Variants in HDAC10 observed in about 807,000 individuals in gnomAD.
HDAC10 encodes histone deacetylase 10.
A neutral mutation model predicts 82.3 loss-of-function variants in HDAC10; 90 were observed. That is an observed-to-expected ratio of 1.09 (90% CI 0.92 to 1.30). The LOEUF is 1.30. HDAC10 is among the 50% of genes most tolerant of loss of function. The pLI is 0.00. For synonymous variants in HDAC10, 456 were observed against 391.7 expected, an observed-to-expected ratio of 1.16 and a Z score of -1.94; for missense variants, 934 against 876.3, an observed-to-expected ratio of 1.07 and a Z score of -0.83.
Position 50,251,154 on chromosome 22 carries a change from G to A in HDAC10, c.-122C>T, listed in dbSNP as rs1393872700. 3 of 1,013,278 alleles carry A rather than the reference G, an allele frequency of 3.0e-6. No homozygotes were observed. The highest frequency in any genetic ancestry group is 1.6e-5 in the African/African-American group (1 of 61,768). The allele number at this position is 1,013,278 out of a possible 1,614,324, so 62.8% of individuals were successfully genotyped here. A position where few individuals can be genotyped will look rare whatever the true frequency, so the allele number is the denominator to read the frequency against. On this transcript the variant is annotated 5_prime_UTR_variant, in exon 1 of 20. Coordinates refer to ENST00000216271, the MANE Select transcript of HDAC10 (RefSeq NM_032019.6). ...GGACCTGCCTGGGGCGCAGGCGGGC[G>A]GCGGGCACCGGCCTGGGCGGGAGCG...
chr22:50,246,126 C>T (rs113869686), intron 17 of HDAC10, 34 bp from the exon 18 acceptor site: 32 of 1,574,962 alleles, frequency 2.0e-5, no homozygotes, highest in Middle Eastern at 1.7e-4. Context: ...TCCTCATCTA[C>T]GGACACCTGC....
At position 50,249,953 on chromosome 22, in the gene HDAC10, T is replaced by G. The variant is rs1601630253; in HGVS notation, c.401A>C (p.His134Pro). The change falls in exon 5 of 20, where the codon CAC becomes CCC. Residue 134 changes from histidine (H) to proline (P), a missense_variant. Transcript: ENST00000216271. This position sits in a 1 kb window ranked among gnomAD's most constrained non-coding sequence, Gnocchi z 4.4. Reference sequence around the variant, plus strand: ...GTTGGCAGCCGCCCTCTGGCCATGGTGCCCGGGAGGCCTACGGCGTGAGAG... The same window carrying G: ...GTTGGCAGCCGCCCTCTGGCCATGGGGCCCGGGAGGCCTACGGCGTGAGAG... ...NGLALVRPPGHHGQRAAANGF... is the reference protein window; with the variant it reads ...NGLALVRPPGPHGQRAAANGF... 1 of 1,612,766 alleles carries G rather than the reference T, an allele frequency of 6.2e-7. No homozygotes were observed. Among genetic ancestry groups the G allele is most frequent in the Non-Finnish European group, 8.5e-7 (1 of 1,179,866 alleles).
rs1365844918 is a variant in HDAC10 at position 50,251,066 on chromosome 22, C to T, written c.-34G>A. Reference sequence around the variant, plus strand: ...CGTGGTCACCCTGGGTTCCCAAACGCCCTCGCTAGTGGTGCCTGCCACTGC... The same window carrying T: ...CGTGGTCACCCTGGGTTCCCAAACGTCCTCGCTAGTGGTGCCTGCCACTGC... On this transcript the variant is annotated 5_prime_UTR_variant, in exon 1 of 20. Coordinates refer to ENST00000216271, the MANE Select transcript of HDAC10 (RefSeq NM_032019.6). 1.9e-6 allele frequency: 3 copies of T among 1,594,788 alleles called. No homozygotes were observed. Among genetic ancestry groups the T allele is most frequent in the Non-Finnish European group, 2.6e-6 (3 of 1,169,216 alleles).
chr22:50,246,760 CAG>C (rs1296966759), intron 15 of HDAC10, 25 bp from the exon 16 acceptor site: 1 of 1,612,904 alleles, frequency 6.2e-7, no homozygotes, highest in Admixed American at 1.7e-5. Context: ...GGCCTCAGGA[CAG>C]GTGTTCATGT....
At chr22:50,245,642 A>T (rs1427896917) in intron 19 of HDAC10, 33 bp downstream of exon 19, 1 of 1,611,682 alleles carries the variant, frequency 6.2e-7, no homozygotes, top group Non-Finnish European at 8.5e-7. Flanking sequence ...GCCAGGCCCC[A>T]GGGCAGGGCC....
chr22:50,245,292 G>C lies in HDAC10; in HGVS notation c.*215C>G, dbSNP rs2064911946. 1 of 616,218 alleles carries C rather than the reference G, an allele frequency of 1.6e-6. No homozygotes were observed. The highest frequency in any genetic ancestry group is 1.8e-5 in the African/African-American group (1 of 54,108). The allele number at this position is 616,218 out of a possible 1,614,324, so 38.2% of individuals were successfully genotyped here. A position where few individuals can be genotyped will look rare whatever the true frequency, so the allele number is the denominator to read the frequency against. ...GGGTTGCATGGGCCTCGATGGGACG[G>C]GCCGGGGCGCGATGGGTGGGGCGGG... is the stretch of plus-strand genomic sequence containing the variant. On this transcript the variant is annotated 3_prime_UTR_variant, in exon 20 of 20. Transcript: ENST00000216271.
Position 50,247,725 on chromosome 22 carries a change from G to A in HDAC10, c.1389C>T (p.Leu463=). The change falls in exon 14 of 20, where the codon CTC becomes CTT. Residue 463 remains leucine, a synonymous_variant. Coordinates refer to ENST00000216271, the MANE Select transcript of HDAC10 (RefSeq NM_032019.6). ...REEALTALGK[L]LYLLDGMLDG... is the part of the protein sequence containing the mutation. ...CCAGCATCCCATCTAAGAGGTACAG[G>A]AGCTTCCCAAGTGCAGTGAGGGCCT... 5 of 1,599,512 alleles carry A rather than the reference G, an allele frequency of 3.1e-6. No individual in the cohort carries two copies. Among genetic ancestry groups the A allele is most frequent in the Non-Finnish European group, 4.3e-6 (5 of 1,169,572 alleles).
In HDAC10 at chr22:50,250,859, CCAGGGCTGCGGTCAGGCGCT is replaced by C. The variant is rs1482440561; in HGVS notation, c.86_105del (p.Glu29GlyfsTer149). ...TCCAGGCCGCGCTGCCGCAGGCGAT[CCAGGGCTGCGGTCAGGCGCT>C]CAGGACGCTCGATCTCGCACTCGGG... is the stretch of plus-strand genomic sequence containing the variant. On this transcript the variant is annotated frameshift_variant, in exon 2 of 20. Coordinates refer to ENST00000216271, the MANE Select transcript of HDAC10 (RefSeq NM_032019.6). LOFTEE classifies it high-confidence loss of function. 6.2e-7 allele frequency: 1 copy of C among 1,602,242 alleles called. No individual in the cohort carries two copies. Among genetic ancestry groups the C allele is most frequent in the East Asian group, 2.3e-5 (1 of 44,204 alleles).
rs1283729228 is a variant in HDAC10, at chr22:50,249,089, C to T, written c.756+14G>A. 6.3e-7 allele frequency: 1 copy of T among 1,588,442 alleles called. No homozygotes were observed. Among genetic ancestry groups the T allele is most frequent in the African/African-American group, 1.3e-5 (1 of 74,474 alleles). ...CCCACCCGGCTGCCCTGGGGGAGCC[C>T]TCCGTGCAGTCACCTCAAAGGCCAG... On this transcript the variant is annotated intron_variant, in intron 8 of 19. Coordinates refer to ENST00000216271, the MANE Select transcript of HDAC10 (RefSeq NM_032019.6). The surrounding 1 kb of genome is among the most constrained non-coding windows in gnomAD (Gnocchi z 4.4).
intron 14 of HDAC10, 113 bp from the exon 15 acceptor site, chr22:50,247,079 A>G (rs4838866): frequency 0.86 from 520,098 of 605,242 alleles, 224,058 homozygotes; most frequent in South Asian, 0.93. Context: ...TCAGCCACAC[A>G]TCTTCTTACA....
Position 50,247,751 on chromosome 22 carries a change from C to T in HDAC10, c.1363G>A (p.Glu455Lys), listed in dbSNP as rs1274412312. Residue 455 changes from glutamate to lysine, a missense_variant, in exon 14 of 20, where the codon GAG becomes AAG. Glu to Lys is a moderately conservative substitution (Grantham distance 56). Transcript: ENST00000216271. ...AGCTTCCCAAGTGCAGTGAGGGCCT[C>T]CTCCCGGGCCAGGGACTCGTGTGGC... is the stretch of plus-strand genomic sequence containing the variant. ...ARPHESLARE[E>K]ALTALGKLLY... 3 of 1,606,252 alleles carry T rather than the reference C, an allele frequency of 1.9e-6. No individual in the cohort carries two copies. The highest frequency in any genetic ancestry group is 2.6e-6 in the Non-Finnish European group (3 of 1,174,442).
In HDAC10 at chr22:50,248,940, C is replaced by G; in HGVS notation, c.757-50G>C. ...GGGTCGACAGAGAGGGGCTGGAGCC[C>G]AGGTGAGGGCGAGCCAGGCCCATCC... On this transcript the variant is annotated intron_variant, in intron 8 of 19. Coordinates refer to ENST00000216271, the MANE Select transcript of HDAC10 (RefSeq NM_032019.6). This position sits in a 1 kb window ranked among gnomAD's most constrained non-coding sequence, Gnocchi z 5.4. 6.3e-7 allele frequency: 1 copy of G among 1,575,024 alleles called. No homozygotes were observed. Among genetic ancestry groups the G allele is most frequent in the South Asian group, 1.1e-5 (1 of 87,602 alleles).
rs1177474310 is a variant in HDAC10 at position 50,249,484 on chromosome 22, A to G, written c.564-30T>C. The G allele has an allele frequency of 1.9e-6, 3 of 1,612,104 alleles. No individual in the cohort carries two copies. Among genetic ancestry groups the G allele is most frequent in the Non-Finnish European group, 2.5e-6 (3 of 1,179,594 alleles). On this transcript the variant is annotated intron_variant, in intron 6 of 19. Transcript: ENST00000216271. This position sits in a 1 kb window ranked among gnomAD's most constrained non-coding sequence, Gnocchi z 4.4. ...CAACAGCCAGCCAGGGCCAGAGGTC[A>G]AAGGTCAGGACCCTCAACAGCTCTA...
Position 50,248,961 on chromosome 22 carries a change from CA to C in HDAC10, c.757-72del. Reference sequence around the variant, plus strand: ...AGCCCAGGTGAGGGCGAGCCAGGCCCATCCCATCCCCTCCTGAGCACCTTCC... The same window carrying C: ...AGCCCAGGTGAGGGCGAGCCAGGCCCTCCCATCCCCTCCTGAGCACCTTCC... On this transcript the variant is annotated intron_variant, in intron 8 of 19. Transcript: ENST00000216271. This position sits in a 1 kb window ranked among gnomAD's most constrained non-coding sequence, Gnocchi z 5.4. The C allele has an allele frequency of 6.6e-7, 1 of 1,524,438 alleles. No individual in the cohort carries two copies. The highest frequency in any genetic ancestry group is 9.0e-7 in the Non-Finnish European group (1 of 1,114,718). 94.4% of individuals were successfully genotyped at this position (1,524,438 alleles called of 1,614,324 possible).
chr22:50,245,200 T>G lies in HDAC10; in HGVS notation c.*307A>C. 1.9e-6 allele frequency: 1 copy of G among 535,290 alleles called. No individual in the cohort carries two copies. The allele number at this position is 535,290 out of a possible 1,614,324, so 33.2% of individuals were successfully genotyped here. On this transcript the variant is annotated 3_prime_UTR_variant, in exon 20 of 20. Coordinates refer to ENST00000216271, the MANE Select transcript of HDAC10 (RefSeq NM_032019.6). ...AGCCAGCGTTTCGTTTGAGCGATGTTTACTAACGGCGCAAGGGCGGGGAGC... is the reference window on the plus strand; with the variant it reads ...AGCCAGCGTTTCGTTTGAGCGATGTGTACTAACGGCGCAAGGGCGGGGAGC...
At position 50,249,012 on chromosome 22, in the gene HDAC10, T is replaced by A. The variant is rs912866487; in HGVS notation, c.756+91A>T. 5.2e-5 allele frequency: 75 copies of A among 1,437,300 alleles called. No homozygotes were observed. The highest frequency in any genetic ancestry group is 6.7e-5 in the Non-Finnish European group (70 of 1,042,084). The allele number at this position is 1,437,300 out of a possible 1,614,324, so 89.0% of individuals were successfully genotyped here. On this transcript the variant is annotated intron_variant, in intron 8 of 19. Coordinates refer to ENST00000216271, the MANE Select transcript of HDAC10 (RefSeq NM_032019.6). The surrounding 1 kb of genome is among the most constrained non-coding windows in gnomAD (Gnocchi z 4.4). ...CCCAGCCACACAGGAGTGGGACAGC[T>A]CATAACCCTCCTCCTGCCTTCACTG...
chr22:50,250,407 G>A lies in HDAC10; in HGVS notation c.291+20C>T, dbSNP rs2065059457. On this transcript the variant is annotated intron_variant, in intron 3 of 19. Coordinates refer to ENST00000216271, the MANE Select transcript of HDAC10 (RefSeq NM_032019.6). ...CGTGCATGTGTGTCTGCACAGGTGA[G>A]TGTGTCCGGGGACACGCACCGGGTG... 6 of 1,607,752 alleles carry A rather than the reference G, an allele frequency of 3.7e-6. No individual in the cohort carries two copies. The African/African-American group carries it at 5.3e-5, about 14-fold the overall frequency.
At position 50,249,514 on chromosome 22, in the gene HDAC10, T is replaced by A; in HGVS notation, c.564-60A>T. On this transcript the variant is annotated intron_variant, in intron 6 of 19. Coordinates refer to ENST00000216271, the MANE Select transcript of HDAC10 (RefSeq NM_032019.6). This position sits in a 1 kb window ranked among gnomAD's most constrained non-coding sequence, Gnocchi z 4.4. ...TCAGGACCCTCAACAGCTCTACAGC[T>A]CCCTGTAGAACGCTGACCCCTGAGC... The A allele has an allele frequency of 6.2e-7, 1 of 1,608,030 alleles. No homozygotes were observed. The highest frequency in any genetic ancestry group is 8.5e-7 in the Non-Finnish European group (1 of 1,176,660).
chr22:50,250,051 G>A lies in HDAC10; in HGVS notation c.389+12C>T, dbSNP rs368097485. The A allele has an allele frequency of 1.2e-5, 20 of 1,611,814 alleles. No individual in the cohort carries two copies. The highest frequency in any genetic ancestry group is 5.0e-5 in the Admixed American group (3 of 59,994). Reference sequence around the variant, plus strand: ...CCACGGAGGAGCAGCCAGGGGAAGGGGCAGCTCTCACCTCACCAGGGCAAG... The same window carrying A: ...CCACGGAGGAGCAGCCAGGGGAAGGAGCAGCTCTCACCTCACCAGGGCAAG... On this transcript the variant is annotated intron_variant, in intron 4 of 19. Transcript: ENST00000216271.
Sources: allele counts gnomAD v4.1 joint callset, GRCh38; gene constraint gnomAD v4.1.1; non-coding constraint Gnocchi (gnomAD v3.1); transcripts MANE v1.5; gene names NCBI Gene and HGNC (gene_info 2026-07-23, HGNC 2026-07-21).